LYN: variants seen among roughly 807,000 people sequenced by gnomAD.
LYN encodes tyrosine-protein kinase Lyn.
In LYN, 12 loss-of-function variants were observed where a neutral mutation model predicts 65.0. The ratio of observed to expected loss-of-function variants is 0.18; its 90% confidence interval spans 0.12 to 0.30. The LOEUF (loss-of-function observed/expected upper bound fraction) is 0.30. Ranked by LOEUF, LYN falls within the 10% of genes least tolerant of loss-of-function variation. The pLI, the probability that LYN is intolerant of heterozygous loss-of-function variation, is 1.00. For synonymous variants in LYN, 222 were observed against 221.2 expected, an observed-to-expected ratio of 1.00 and a Z score of -0.03; for missense variants, 380 against 623.2, an observed-to-expected ratio of 0.61 and a Z score of 4.16.
chr8:55,972,804 C>G (rs1322696384), intron 10 of LYN, among the ~76,000 whole-genome samples: 1 of 152,202 alleles, frequency 6.6e-6, no homozygotes, highest in Non-Finnish European at 1.5e-5. Flanking sequence ...TACCTTCCCC[C>G]CACTTTACTA....
In LYN at chr8:56,011,109, C is replaced by G. The variant is rs1808804517; in HGVS notation, c.*999C>G. ...CTCTAGAAAGCTAAAGTGCCACATTCGGGGCTATTTTTATGATTCAGCAAT... is the reference window on the plus strand; with the variant it reads ...CTCTAGAAAGCTAAAGTGCCACATTGGGGGCTATTTTTATGATTCAGCAAT... On this transcript the variant is annotated 3_prime_UTR_variant, in exon 13 of 13. Transcript: ENST00000519728. The G allele has an allele frequency of 4.4e-6, 1 of 229,776 alleles. No homozygotes were observed. The highest frequency in any genetic ancestry group is 5.7e-5 in the Admixed American group (1 of 17,638). The allele number at this position is 229,776 out of a possible 1,614,324, so 14.2% of individuals were successfully genotyped here. A position where few individuals can be genotyped will look rare whatever the true frequency, so the allele number is the denominator to read the frequency against.
intron 10 of LYN, among the ~76,000 whole-genome samples, chr8:55,983,887 T>G (rs1807999805): frequency 6.6e-6 from 1 of 152,218 alleles, no homozygotes; most frequent in Non-Finnish European, 1.5e-5. Context: ...GTCAGGGCGC[T>G]TAAAACAATA....
intron 9 of LYN, among the ~76,000 whole-genome samples, chr8:55,969,083 C>A (rs935878568): frequency 6.6e-6 from 1 of 152,124 alleles, no homozygotes; most frequent in African/African-American, 2.4e-5. Context: ...GAATTTGAGA[C>A]CAGCCTGGGC....
At position 56,014,035 on chromosome 8, in the gene LYN, A is replaced by G. The variant is rs1808886090; in HGVS notation, c.*3925A>G. On this transcript the variant is annotated 3_prime_UTR_variant, in exon 13 of 13. Transcript: ENST00000519728. Reference sequence around the variant, plus strand: ...ATGATAAAAATTATCTCTAACTCACACAACGACCCTGGAAGATCTGGACAA... The same window carrying G: ...ATGATAAAAATTATCTCTAACTCACGCAACGACCCTGGAAGATCTGGACAA... 5 of 152,336 alleles carry G rather than the reference A, an allele frequency of 3.3e-5. No individual in the cohort carries two copies. The South Asian group carries it at 1.0e-3, about 32-fold the overall frequency. The allele number at this position is 152,336 out of a possible 1,614,324, so 9.4% of individuals were successfully genotyped here.
intron 1 of LYN, among the ~76,000 whole-genome samples, chr8:55,910,401 G>C (rs950052552): frequency 6.6e-6 from 1 of 152,072 alleles, no homozygotes; most frequent in African/African-American, 2.4e-5. Flanking sequence ...TATTGAAAAG[G>C]GTATCCTTTT....
At chr8:55,957,223 C>T (rs1346285222) in intron 8 of LYN, among the ~76,000 whole-genome samples, 2 of 152,190 alleles carry the variant, frequency 1.3e-5, no homozygotes, top group African/African-American at 4.8e-5. Flanking sequence ...AGATTATGCA[C>T]CTGGGATGTT....
chr8:55,913,842 G>A (rs1805708397), intron 1 of LYN, among the ~76,000 whole-genome samples: 1 of 152,202 alleles, frequency 6.6e-6, no homozygotes, highest in South Asian at 2.1e-4. Flanking sequence ...AAGCAAGCAA[G>A]TGCGAGGGCA....
chr8:55,920,391 T>C (rs1479905266), intron 1 of LYN, among the ~76,000 whole-genome samples: 1 of 152,230 alleles, frequency 6.6e-6, no homozygotes, highest in Non-Finnish European at 1.5e-5. Flanking sequence ...ATTTCTTAAG[T>C]GTGATCATGT....
intron 10 of LYN, among the ~76,000 whole-genome samples, chr8:55,986,463 AC>A (rs1563324902): frequency 6.6e-6 from 1 of 152,158 alleles, no homozygotes; most frequent in Non-Finnish European, 1.5e-5. Context: ...TCATTGACAA[AC>A]TTTTCTTCCT....
chr8:55,905,943 G>A (rs994489362), intron 1 of LYN, among the ~76,000 whole-genome samples: 2 of 152,202 alleles, frequency 1.3e-5, no homozygotes, highest in African/African-American at 2.4e-5. Flanking sequence ...AGCCTATAGT[G>A]AGAAAGGAGC....
At chr8:55,979,976 C>T (rs1807873834) in intron 10 of LYN, among the ~76,000 whole-genome samples, 1 of 152,202 alleles carries the variant, frequency 6.6e-6, no homozygotes. Context: ...AGGCCTGCAG[C>T]TGACAGCCCT....
intron 1 of LYN, among the ~76,000 whole-genome samples, chr8:55,888,433 C>A (rs1019083154): frequency 2.6e-5 from 4 of 152,038 alleles, no homozygotes. Flanking sequence ...TAGTATGAAG[C>A]TAATCTTTTT....
At chr8:55,932,919 A>G (rs139473254) in intron 1 of LYN, among the ~76,000 whole-genome samples, 1 of 152,176 alleles carries the variant, frequency 6.6e-6, no homozygotes, top group African/African-American at 2.4e-5. Context: ...CATTGAATAC[A>G]TATGGATGTA....
intron 1 of LYN, among the ~76,000 whole-genome samples, chr8:55,883,667 T>TGC (rs1804707876): frequency 6.6e-6 from 1 of 152,234 alleles, no homozygotes; most frequent in Admixed American, 6.5e-5. Flanking sequence ...GGTTGTTTTA[T>TGC]CAGTGAGAGC....
chr8:55,898,355 C>G (rs1480562190), intron 1 of LYN, among the ~76,000 whole-genome samples: 1 of 152,198 alleles, frequency 6.6e-6, no homozygotes, highest in African/African-American at 2.4e-5. Context: ...GTGGCACACT[C>G]TTGGCTCACT....
At chr8:55,971,183 G>A (rs1807599344) in intron 10 of LYN, among the ~76,000 whole-genome samples, 1 of 152,210 alleles carries the variant, frequency 6.6e-6, no homozygotes, top group Admixed American at 6.5e-5. Context: ...TTGCTGTGGT[G>A]GAACAGAGGG....
chr8:55,896,503 G>A (rs1219996273), intron 1 of LYN, among the ~76,000 whole-genome samples: 5 of 151,890 alleles, frequency 3.3e-5, no homozygotes, highest in Admixed American at 6.6e-5. Context: ...GGGGCCTGTC[G>A]GGGGGTGGGG....
chr8:55,923,374 C>T (rs1239307109), intron 1 of LYN, among the ~76,000 whole-genome samples: 1 of 152,164 alleles, frequency 6.6e-6, no homozygotes, highest in Non-Finnish European at 1.5e-5. Flanking sequence ...CAAGCTACAC[C>T]TGCTCTGTCC....
chr8:55,932,618 G>A (rs1349673831), intron 1 of LYN, among the ~76,000 whole-genome samples: 3 of 152,090 alleles, frequency 2.0e-5, no homozygotes, highest in East Asian at 1.9e-4. Flanking sequence ...ACAGGGTTTC[G>A]CCATGTTGGC....
Sources: allele counts gnomAD v4.1 joint callset (sites outside exome capture counted in the v4.1 genomes callset), GRCh38; gene constraint gnomAD v4.1.1; transcripts MANE v1.5; gene names NCBI Gene and HGNC (gene_info 2026-07-23, HGNC 2026-07-21).